The following RIT2 variants were observed in gnomAD, a reference collection of about 807,000 sequenced individuals.
RIT2 encodes Ras like without CAAX 2.
RIT2 carries 24 observed loss-of-function variants against 23.7 expected under a neutral mutation model. The observed-to-expected ratio is 1.01, with a 90% CI of 0.73 to 1.43. The LOEUF (loss-of-function observed/expected upper bound fraction) is 1.43. Ranked by LOEUF, RIT2 falls within the 40% of genes most tolerant of loss-of-function variation. RIT2 has a pLI of 0.00. For missense variants in RIT2, 236 were observed against 266.9 expected (o/e 0.88, Z 0.81); for synonymous variants, 107 against 91.1 (o/e 1.17, Z -0.99).
intron 4 of RIT2, among the ~76,000 whole-genome samples, chr18:42,863,089 T>G (rs921463127): frequency 5.9e-5 from 9 of 152,058 alleles, no homozygotes; most frequent in Admixed American, 6.6e-5. Context: ...GATGAGGCAT[T>G]TTATCCAATG....
intron 4 of RIT2, among the ~76,000 whole-genome samples, chr18:42,864,714 C>T (rs567382965): frequency 5.3e-5 from 8 of 152,270 alleles, no homozygotes; most frequent in African/African-American, 1.9e-4. Flanking sequence ...GCCTGAGTTA[C>T]ACTAATGTCT....
chr18:42,832,656 T>C (rs916263230), intron 4 of RIT2, among the ~76,000 whole-genome samples: 3 of 152,230 alleles, frequency 2.0e-5, no homozygotes, highest in African/African-American at 7.2e-5. Context: ...ATTTATCATG[T>C]ATTTGTTTGA....
intron 4 of RIT2, among the ~76,000 whole-genome samples, chr18:42,850,439 G>A (rs1216220562): frequency 6.6e-6 from 1 of 152,128 alleles, no homozygotes; most frequent in African/African-American, 2.4e-5. Flanking sequence ...TCTGGTGGCA[G>A]ACCACATTTG....
intron 2 of RIT2, among the ~76,000 whole-genome samples, chr18:42,991,567 G>A (rs191849644): frequency 8.2e-4 from 125 of 152,164 alleles, no homozygotes; most frequent in Middle Eastern, 6.8e-3. Context: ...CGAGATGGCC[G>A]GTTCCTGCCT....
At chr18:43,072,175 G>A (rs1188022541) in intron 1 of RIT2, among the ~76,000 whole-genome samples, 1 of 151,804 alleles carries the variant, frequency 6.6e-6, no homozygotes, top group Non-Finnish European at 1.5e-5. Context: ...TAGTAGAGAC[G>A]GGGTTTTACC....
chr18:42,904,075 G>A (rs1908549056), intron 4 of RIT2, among the ~76,000 whole-genome samples: 1 of 152,078 alleles, frequency 6.6e-6, no homozygotes, highest in South Asian at 2.1e-4. Flanking sequence ...AAAATGTATA[G>A]TGTTCCTACA....
chr18:42,955,849 T>G (rs747459100), intron 3 of RIT2, among the ~76,000 whole-genome samples: 5 of 152,166 alleles, frequency 3.3e-5, no homozygotes, highest in African/African-American at 4.8e-5. Flanking sequence ...TGTTCCCTCT[T>G]TCCAAGCTCC....
chr18:43,069,701 G>T (rs1185574056), intron 1 of RIT2, among the ~76,000 whole-genome samples: 1 of 151,914 alleles, frequency 6.6e-6, no homozygotes, highest in Admixed American at 6.6e-5. Context: ...TGAAATCCTT[G>T]CCAAAAACCT....
At chr18:42,858,468 C>T (rs1450811491) in intron 4 of RIT2, among the ~76,000 whole-genome samples, 1 of 152,136 alleles carries the variant, frequency 6.6e-6, no homozygotes, top group Non-Finnish European at 1.5e-5. Flanking sequence ...CAGAAGTAGA[C>T]AGTGCAGCGT....
Position 42,974,100 on chromosome 18 carries a change from A to G in RIT2, c.208T>C (p.Leu70=), listed in dbSNP as rs140141335. ...TGGCCAGCAGTGTCCAAGATGTCCAAGTAAGCTGGCTCATTGTCAATCCTG... is the reference window on the plus strand; with the variant it reads ...TGGCCAGCAGTGTCCAAGATGTCCAGGTAAGCTGGCTCATTGTCAATCCTG... ...QVRIDNEPAY[L]DILDTAGQAE... The change falls in exon 3 of 5, where the codon TTG becomes CTG. Residue 70 remains leucine (L), a synonymous_variant. Coordinates refer to ENST00000326695, the MANE Select transcript of RIT2 (RefSeq NM_002930.4). 2.5e-4 allele frequency: 407 copies of G among 1,611,632 alleles called. 1 individual carries two copies. The highest frequency in any genetic ancestry group is 3.3e-4 in the Non-Finnish European group (393 of 1,178,572).
At chr18:43,047,120 G>T (rs1210934272) in intron 1 of RIT2, among the ~76,000 whole-genome samples, 1 of 152,116 alleles carries the variant, frequency 6.6e-6, no homozygotes, top group African/African-American at 2.4e-5. Context: ...TTGTCTGTAT[G>T]ACTCCAGATC....
At position 42,861,007 on chromosome 18, in the gene RIT2, G is replaced by A. The variant is rs550801773; in HGVS notation, c.426+62565C>T. On this transcript the variant is annotated intron_variant, in intron 4 of 4. Coordinates refer to ENST00000326695, the MANE Select transcript of RIT2 (RefSeq NM_002930.4). ...TCTGTATCACACATTAATTTACATT[G>A]TACACAAATGTATGGACAAGATGCA... 2.6e-5 allele frequency among the ~76,000 whole-genome samples: 4 copies of A among 152,214 alleles called. No homozygotes were observed. In the South Asian group the frequency reaches 8.3e-4, roughly 32 times the overall value.
At chr18:42,786,341 C>T (rs1913921761) in intron 4 of RIT2, among the ~76,000 whole-genome samples, 1 of 152,090 alleles carries the variant, frequency 6.6e-6, no homozygotes, top group South Asian at 2.1e-4. Flanking sequence ...CTCTTATTTA[C>T]TCGAGGCATT....
chr18:43,033,226 T>G (rs1911899007), intron 2 of RIT2, among the ~76,000 whole-genome samples: 1 of 152,146 alleles, frequency 6.6e-6, no homozygotes, highest in African/African-American at 2.4e-5. Flanking sequence ...TGTTCCCCAA[T>G]GCAAAACTTC....
At chr18:43,076,520 G>A (rs1374411831) in intron 1 of RIT2, among the ~76,000 whole-genome samples, 1 of 151,900 alleles carries the variant, frequency 6.6e-6, no homozygotes, top group African/African-American at 2.4e-5. Context: ...AGGAGTGTAG[G>A]GGTGACCAGA....
intron 3 of RIT2, among the ~76,000 whole-genome samples, chr18:42,925,346 G>C (rs1909154047): frequency 6.6e-6 from 1 of 151,946 alleles, no homozygotes; most frequent in Admixed American, 6.6e-5. Context: ...CTTGACTAGA[G>C]AAGTATGGAC....
intron 3 of RIT2, among the ~76,000 whole-genome samples, chr18:42,935,257 G>A (rs1306973932): frequency 6.6e-6 from 1 of 152,186 alleles, no homozygotes; most frequent in East Asian, 1.9e-4. Context: ...AGAGAGCTGA[G>A]CAGATGCTGA....
chr18:42,829,166 CTTTT>C (rs1906387524), intron 4 of RIT2, among the ~76,000 whole-genome samples: 1 of 152,044 alleles, frequency 6.6e-6, no homozygotes, highest in Non-Finnish European at 1.5e-5. Flanking sequence ...TTACATGGCT[CTTTT>C]TTGTCTTATG....
rs551806611 is a variant in RIT2 at position 43,081,455 on chromosome 18, G to A, written c.103+33962C>T. The stretch of plus-strand genomic sequence containing the variant: ...TAAGTATTACTGTTTCTCTGTATTG[G>A]AGAGAAAGAAATTTAGGGACAGAGA... On this transcript the variant is annotated intron_variant, in intron 1 of 4. Coordinates refer to ENST00000326695, the MANE Select transcript of RIT2 (RefSeq NM_002930.4). 2.0e-5 allele frequency among the ~76,000 whole-genome samples: 3 copies of A among 152,204 alleles called. No homozygotes were observed. In the South Asian group the frequency reaches 6.2e-4, roughly 32 times the overall value.
Sources: gnomAD v4.1 joint callset for allele counts (sites outside exome capture counted in the v4.1 genomes callset) on GRCh38, gnomAD v4.1.1 for gene constraint, MANE v1.5 for transcripts, NCBI Gene and HGNC (gene_info 2026-07-23, HGNC 2026-07-21) for gene names.